The following YWHAE variants were observed in gnomAD, a reference collection of about 807,000 sequenced individuals.
YWHAE encodes 14-3-3 protein epsilon.
YWHAE carries 4 observed loss-of-function variants against 30.1 expected under a neutral mutation model. The observed-to-expected ratio is 0.13, with a 90% CI of 0.07 to 0.30. The LOEUF (loss-of-function observed/expected upper bound fraction) is 0.30, where lower values mean the gene tolerates loss of function less well. Among genes scored for constraint, YWHAE ranks in the 10% least tolerant of loss-of-function variants. The pLI, the probability that YWHAE is intolerant of heterozygous loss-of-function variation, is 1.00. For synonymous variants in YWHAE, 118 were observed against 111.8 expected (o/e 1.06, Z -0.35); for missense variants, 121 against 315.9 (o/e 0.38, Z 4.68).
intron 1 of YWHAE, among the ~76,000 whole-genome samples, chr17:1,374,342 G>A (rs1029072931): frequency 1.3e-4 from 20 of 151,346 alleles, no homozygotes; most frequent in Non-Finnish European, 2.2e-4. Flanking sequence ...AAATCCATTC[G>A]TTAGTTAATG....
At chr17:1,381,910 C>CAAAAAAAA in intron 1 of YWHAE, among the ~76,000 whole-genome samples, 1 of 43,890 alleles carries the variant, frequency 2.3e-5, no homozygotes, top group Non-Finnish European at 4.9e-5. Flanking sequence ...GACACTATGT[C>CAAAAAAAA]AAAAAAAAAA....
chr17:1,371,194 A>T (rs948757114), intron 1 of YWHAE, among the ~76,000 whole-genome samples: 3 of 151,826 alleles, frequency 2.0e-5, no homozygotes, highest in Non-Finnish European at 2.9e-5. Context: ...GCGATCCTCC[A>T]ACCTCAGCCT....
rs2073547668 is a variant in YWHAE at position 1,400,178 on chromosome 17, C to G, written c.-68G>C. ...GGATAGTGTCTCCGACTCTCTCAGC[C>G]TCTCGCTCCGCGTCCGGGCAGCAAA... On this transcript the variant is annotated 5_prime_UTR_variant, in exon 1 of 6. Coordinates refer to ENST00000264335, the MANE Select transcript of YWHAE (RefSeq NM_006761.5). The G allele has an allele frequency of 1.3e-6, 2 of 1,589,348 alleles. No homozygotes were observed. Among genetic ancestry groups the G allele is most frequent in the South Asian group, 1.1e-5 (1 of 90,546 alleles).
chr17:1,397,549 G>A (rs2073493118), intron 1 of YWHAE, among the ~76,000 whole-genome samples: 1 of 152,084 alleles, frequency 6.6e-6, no homozygotes, highest in African/African-American at 2.4e-5. Flanking sequence ...AATAAAATAA[G>A]CCTGCTGCAG....
At position 1,344,940 on chromosome 17, in the gene YWHAE, A is replaced by G. The variant is rs2072491514; in HGVS notation, c.*507T>C. 1 of 233,790 alleles carries G rather than the reference A, an allele frequency of 4.3e-6. No homozygotes were observed. Among genetic ancestry groups the G allele is most frequent in the Admixed American group, 5.6e-5 (1 of 17,820 alleles). The allele number at this position is 233,790 out of a possible 1,614,324, so 14.5% of individuals were successfully genotyped here. On this transcript the variant is annotated 3_prime_UTR_variant, in exon 6 of 6. Transcript: ENST00000264335. ...TTTTACAGCAAAACCATTACAACGA[A>G]GTCCCTCCCCAAACCACCTTTAACC...
chr17:1,369,745 CA>C (rs961454745), intron 1 of YWHAE: 12 of 150,468 alleles, frequency 8.0e-5, no homozygotes, highest in African/African-American at 2.4e-4. Context: ...CAGAGCACTG[CA>C]AAAAAAAATA....
chr17:1,368,072 G>A (rs2072972676), intron 1 of YWHAE, among the ~76,000 whole-genome samples: 1 of 151,918 alleles, frequency 6.6e-6, no homozygotes, highest in African/African-American at 2.4e-5. Flanking sequence ...CCAACATGGT[G>A]ACACCCCGTC....
At chr17:1,393,848 A>C (rs946957376) in intron 1 of YWHAE, among the ~76,000 whole-genome samples, 11 of 152,066 alleles carry the variant, frequency 7.2e-5, no homozygotes, top group African/African-American at 2.7e-4. Flanking sequence ...GAGTACCTAA[A>C]CTTCACCTCA....
chr17:1,380,360 C>T (rs1324763170), intron 1 of YWHAE, among the ~76,000 whole-genome samples: 2 of 152,248 alleles, frequency 1.3e-5, no homozygotes, highest in Non-Finnish European at 2.9e-5. Flanking sequence ...GATCTGCCTG[C>T]CTCAGCCTTC....
chr17:1,388,118 G>C lies in YWHAE; in HGVS notation c.64+11929C>G, dbSNP rs137993455. 2.6e-4 allele frequency among the ~76,000 whole-genome samples: 4 copies of C among 15,504 alleles called. No individual in the cohort carries two copies. In the East Asian group the frequency reaches 5.7e-3, roughly 22 times the overall value. 10.2% of individuals were successfully genotyped at this position (15,504 alleles called of 152,430 possible). A position where few individuals can be genotyped will look rare whatever the true frequency, so the allele number is the denominator to read the frequency against. On this transcript the variant is annotated intron_variant, in intron 1 of 5. Transcript: ENST00000264335. ...TAATTTTTGTTTTTTTTTTTGGTTG[G>C]TTTTTTTTTTTTTTTTTTTTTTTTA... is the stretch of plus-strand genomic sequence containing the variant.
At position 1,355,148 on chromosome 17, in the gene YWHAE, A is replaced by ATT. The variant is rs1271496520; in HGVS notation, c.579-803_579-802dup. Reference sequence around the variant, plus strand: ...AAAAAAAAAAAAAAAAAAAAAAAAAATTTTTTTTTTTTTTTTTTTTTTTTG... The same window carrying ATT: ...AAAAAAAAAAAAAAAAAAAAAAAAAATTTTTTTTTTTTTTTTTTTTTTTTTTG... On this transcript the variant is annotated intron_variant, in intron 4 of 5. Transcript: ENST00000264335. Among the ~76,000 whole-genome samples, 204 of 76,812 alleles carry ATT rather than the reference A, an allele frequency of 2.7e-3. 5 individuals carry two copies. Among genetic ancestry groups the ATT allele is most frequent in the Non-Finnish European group, 2.3e-3 (87 of 37,396 alleles). The allele number at this position is 76,812 out of a possible 152,430, so 50.4% of individuals were successfully genotyped here.
intron 5 of YWHAE, among the ~76,000 whole-genome samples, chr17:1,351,011 A>G (rs2072622679): frequency 6.6e-6 from 1 of 151,704 alleles, no homozygotes; most frequent in African/African-American, 2.4e-5. Flanking sequence ...GTGAGCCGAG[A>G]TCGCACCATT....
rs189041933 is a variant in YWHAE at position 1,358,084 on chromosome 17, A to G, written c.578+3008T>C. Among the ~76,000 whole-genome samples, 37 of 152,088 alleles carry G rather than the reference A, an allele frequency of 2.4e-4. 1 individual carries two copies. Among genetic ancestry groups the G allele is most frequent in the Non-Finnish European group, 4.4e-4 (30 of 67,988 alleles). On this transcript the variant is annotated intron_variant, in intron 4 of 5. Coordinates refer to ENST00000264335, the MANE Select transcript of YWHAE (RefSeq NM_006761.5). ...TCAACACTTAACAAACGAAAAAAAC[A>G]TGAATTCAAAAATGGGCAAAAGGGC...
At chr17:1,356,213 CACAA>C (rs1242207765) in intron 4 of YWHAE, among the ~76,000 whole-genome samples, 2 of 128,318 alleles carry the variant, frequency 1.6e-5, no homozygotes, top group African/African-American at 3.2e-5. Context: ...CACACACACA[CACAA>C]AATTAGCCGG....
chr17:1,365,202 T>C, intron 1 of YWHAE, 144 bp from the exon 2 acceptor site: 1 of 942,374 alleles, frequency 1.1e-6, no homozygotes. Flanking sequence ...CTAATATGAG[T>C]AAAAAGCCAA....
At chr17:1,345,641 T>C (rs2072504500) in intron 5 of YWHAE, 142 bp from the exon 6 acceptor site, 9 of 788,516 alleles carry the variant, frequency 1.1e-5, no homozygotes, top group Non-Finnish European at 1.9e-5. Context: ...ACTTCTATCA[T>C]CCTTGACACC....
intron 5 of YWHAE, 112 bp from the exon 6 acceptor site, chr17:1,345,611 G>GT (rs760079253): frequency 1.5e-5 from 17 of 1,137,914 alleles, no homozygotes; most frequent in Non-Finnish European, 1.9e-5. Context: ...GCTACAATTG[G>GT]TATTAAACGC....
At chr17:1,345,608 T>G in intron 5 of YWHAE, 109 bp from the exon 6 acceptor site, 1 of 1,204,612 alleles carries the variant, frequency 8.3e-7, no homozygotes, top group Non-Finnish European at 1.2e-6. Context: ...CTTGCTACAA[T>G]TGGTATTAAA....
chr17:1,382,685 T>C (rs903799482), intron 1 of YWHAE, among the ~76,000 whole-genome samples: 1 of 152,134 alleles, frequency 6.6e-6, no homozygotes, highest in African/African-American at 2.4e-5. Flanking sequence ...TTACTTGATA[T>C]GGCTGTACTG....
Sources: allele counts gnomAD v4.1 joint callset (sites outside exome capture counted in the v4.1 genomes callset), GRCh38; gene constraint gnomAD v4.1.1; transcripts MANE v1.5; gene names NCBI Gene and HGNC (gene_info 2026-07-23, HGNC 2026-07-21).